CCT4: variants seen among roughly 807,000 people sequenced by gnomAD.
CCT4 encodes the protein T-complex protein 1 subunit delta.
CCT4 carries 17 observed loss-of-function variants against 62.5 expected under a neutral mutation model. That is an observed-to-expected ratio of 0.27 (90% CI 0.19 to 0.41). The LOEUF (loss-of-function observed/expected upper bound fraction) is 0.41, where lower values mean the gene tolerates loss of function less well. Ranked by LOEUF, CCT4 falls within the 10% of genes least tolerant of loss-of-function variation. The pLI, the probability that CCT4 is intolerant of heterozygous loss-of-function variation, is 1.00. For missense variants in CCT4, 592 were observed against 659.2 expected (o/e 0.90, Z 1.12); for synonymous variants, 250 against 229.9 (o/e 1.09, Z -0.79).
intron 1 of CCT4, chr2:61,888,174 G>T (rs1290732277): frequency 1.7e-6 from 1 of 571,964 alleles, no homozygotes; most frequent in Non-Finnish European, 3.0e-6. Context: ...GATGCAAAAT[G>T]GGGCAAGTCC....
chr2:61,885,114 T>C, intron 1 of CCT4, 42 bp from the exon 2 acceptor site: 1 of 1,490,726 alleles, frequency 6.7e-7, no homozygotes, highest in Non-Finnish European at 8.9e-7. Flanking sequence ...ATTAGAACTT[T>C]TTTTTTTTTA....
At chr2:61,878,317 G>A (rs2105133390) in intron 5 of CCT4, among the ~76,000 whole-genome samples, 1 of 152,280 alleles carries the variant, frequency 6.6e-6, no homozygotes, top group African/African-American at 2.4e-5. Flanking sequence ...AATAAGAAAA[G>A]CAGCATAAGT....
In CCT4 at chr2:61,881,077, G is replaced by A. The variant is rs564492067; in HGVS notation, c.271-683C>T. 5.3e-5 allele frequency among the ~76,000 whole-genome samples: 8 copies of A among 151,986 alleles called. No homozygotes were observed. In the South Asian group the frequency reaches 1.7e-3, roughly 31 times the overall value. On this transcript the variant is annotated intron_variant, in intron 3 of 13. Transcript: ENST00000394440. ...CCAAGTTTATTTGAGTAGACCCCTT[G>A]TAAGTATAACCTGATTCATTAAAAA... is the stretch of plus-strand genomic sequence containing the variant.
At chr2:61,879,843 AG>A (rs1389273714) in intron 4 of CCT4, among the ~76,000 whole-genome samples, 1 of 151,890 alleles carries the variant, frequency 6.6e-6, no homozygotes, top group African/African-American at 2.4e-5. Context: ...CCCGGGTTCA[AG>A]TGATTCTCCT....
At chr2:61,869,264 A>G (rs1309798947) in intron 13 of CCT4, among the ~76,000 whole-genome samples, 176 bp downstream of exon 13, 6 of 152,066 alleles carry the variant, frequency 3.9e-5, no homozygotes, top group Non-Finnish European at 7.4e-5. Context: ...TGAACCCCAG[A>G]GGCAGAGGTT....
At position 61,869,340 on chromosome 2, in the gene CCT4, A is replaced by AAACCAACC. The variant is rs762773073; in HGVS notation, c.1605+92_1605+99dup. On this transcript the variant is annotated intron_variant, in intron 13 of 13. Coordinates refer to ENST00000394440, the MANE Select transcript of CCT4 (RefSeq NM_006430.4). Reference sequence around the variant, plus strand: ...AACAGAGCAAAACTTTGTCTCAAAAAAACCAACCAACCAACCAAACAACAA... The same window carrying AAACCAACC: ...AACAGAGCAAAACTTTGTCTCAAAAAAACCAACCAACCAACCAACCAACCAAACAACAA... The AAACCAACC allele has an allele frequency of 8.6e-6, 6 of 693,818 alleles. No homozygotes were observed. The African/African-American group carries it at 1.1e-4, about 12-fold the overall frequency. 43.0% of individuals were successfully genotyped at this position (693,818 alleles called of 1,614,324 possible). A position where few individuals can be genotyped will look rare whatever the true frequency, so the allele number is the denominator to read the frequency against.
intron 1 of CCT4, among the ~76,000 whole-genome samples, chr2:61,886,943 G>A (rs181648014): frequency 1.3e-5 from 2 of 152,224 alleles, no homozygotes; most frequent in East Asian, 1.9e-4. Context: ...ATTTTTAGTA[G>A]AGACGGGGTT....
At chr2:61,883,813 CACA>C (rs1669172603) in intron 2 of CCT4, among the ~76,000 whole-genome samples, 2 of 141,076 alleles carry the variant, frequency 1.4e-5, no homozygotes, top group South Asian at 4.4e-4. Flanking sequence ...CACACACACA[CACA>C]AAAGGAAAAA....
intron 1 of CCT4, chr2:61,888,141 G>C: frequency 1.9e-6 from 1 of 531,824 alleles, no homozygotes; most frequent in Non-Finnish European, 3.3e-6. Flanking sequence ...CACAGTGCAG[G>C]ATGAAAAACT....
chr2:61,888,289 GA>G, intron 1 of CCT4, 91 bp downstream of exon 1: 2 of 1,441,516 alleles, frequency 1.4e-6, no homozygotes, highest in Non-Finnish European at 1.9e-6. Flanking sequence ...ATCACCCGAA[GA>G]AATGGGAAAT....
chr2:61,876,398 C>T (rs1308542369), intron 7 of CCT4, among the ~76,000 whole-genome samples, 164 bp from the exon 8 acceptor site: 7 of 152,056 alleles, frequency 4.6e-5, no homozygotes, highest in Non-Finnish European at 5.9e-5. Flanking sequence ...AGATACACAT[C>T]CCAAACTTGA....
chr2:61,880,023 C>T (rs756362188), intron 4 of CCT4, among the ~76,000 whole-genome samples: 35 of 152,170 alleles, frequency 2.3e-4, no homozygotes, highest in African/African-American at 3.1e-4. Flanking sequence ...CCACCACGCC[C>T]GGCCTCTACC....
chr2:61,884,192 G>A (rs1227877197), intron 2 of CCT4, among the ~76,000 whole-genome samples: 1 of 152,014 alleles, frequency 6.6e-6, no homozygotes, highest in Non-Finnish European at 1.5e-5. Flanking sequence ...TCTATATTTG[G>A]GTGTGCATTC....
At chr2:61,878,023 T>C (rs1044992776) in intron 5 of CCT4, among the ~76,000 whole-genome samples, 2 of 152,134 alleles carry the variant, frequency 1.3e-5, no homozygotes, top group East Asian at 3.9e-4. Flanking sequence ...CGTAGTTAAG[T>C]GGTGAAGTCA....
At chr2:61,879,981 G>A (rs1572921949) in intron 4 of CCT4, among the ~76,000 whole-genome samples, 1 of 151,780 alleles carries the variant, frequency 6.6e-6, no homozygotes, top group Non-Finnish European at 1.5e-5. Context: ...ACCCACCTTG[G>A]CCTCTCAAAG....
At chr2:61,869,253 T>G (rs182908475) in intron 13 of CCT4, among the ~76,000 whole-genome samples, 187 bp downstream of exon 13, 1 of 151,680 alleles carries the variant, frequency 6.6e-6, no homozygotes, top group Non-Finnish European at 1.5e-5. Flanking sequence ...GGAGAATCAC[T>G]TGAACCCCAG....
intron 10 of CCT4, 124 bp from the exon 11 acceptor site, chr2:61,872,712 G>T: frequency 1.1e-6 from 1 of 906,960 alleles, no homozygotes; most frequent in East Asian, 2.5e-5. Context: ...TGGCTAACGA[G>T]GTGAGGAGAT....
At chr2:61,879,047 C>A (rs768492379) in intron 4 of CCT4, 36 bp from the exon 5 acceptor site, 2 of 1,507,790 alleles carry the variant, frequency 1.3e-6, no homozygotes, top group Non-Finnish European at 9.0e-7. Flanking sequence ...TTAATTGTAA[C>A]AGGTAAACTA....
Position 61,888,629 on chromosome 2 carries a change from G to A in CCT4, c.-122C>T. ...ACGAACCTTCCAGAAAGCGGCGCCG[G>A]CGTCGGGAGGAGGCGGAGGCGGAGA... On this transcript the variant is annotated 5_prime_UTR_variant, in exon 1 of 14. Transcript: ENST00000394440. The A allele has an allele frequency of 8.1e-7, 1 of 1,228,404 alleles. No homozygotes were observed. Among genetic ancestry groups the A allele is most frequent in the Non-Finnish European group, 1.1e-6 (1 of 911,354 alleles). The allele number at this position is 1,228,404 out of a possible 1,614,324, so 76.1% of individuals were successfully genotyped here.
Sources: allele counts gnomAD v4.1 joint callset (sites outside exome capture counted in the v4.1 genomes callset), GRCh38; gene constraint gnomAD v4.1.1; transcripts MANE v1.5; gene names NCBI Gene and HGNC (gene_info 2026-07-23, HGNC 2026-07-21).